Variants in RPS6KC1 observed in about 807,000 individuals in gnomAD.
The protein encoded by RPS6KC1 is ribosomal protein S6 kinase C1.
RPS6KC1 carries 54 observed loss-of-function variants against 103.8 expected under a neutral mutation model. The ratio of observed to expected loss-of-function variants is 0.52; its 90% confidence interval spans 0.42 to 0.65. The LOEUF (loss-of-function observed/expected upper bound fraction) is 0.65. RPS6KC1 is among the 30% of genes least tolerant of loss of function. The pLI, the probability that RPS6KC1 is intolerant of heterozygous loss-of-function variation, is 0.00. For missense variants in RPS6KC1, 1,151 were observed against 1,253.8 expected (o/e 0.92, Z 1.24); for synonymous variants, 439 against 438.7 (o/e 1.00, Z -0.01).
the RPS6KC1 span, among the ~76,000 whole-genome samples, chr1:213,468,550 T>TAG: frequency 3.9e-5 from 6 of 152,228 alleles, no homozygotes; most frequent in South Asian, 1.0e-3. Flanking sequence ...TTTCCTGAAA[T>TAG]AGAGAGAGAG....
In RPS6KC1 at chr1:213,145,967, G is replaced by GTTTTTTTTTTTTTTTT. The variant is rs71573864; in HGVS notation, c.835+16090_835+16105dup. The stretch of plus-strand genomic sequence containing the variant: ...CAAATAGGTCTTATTCATTCATTCT[G>GTTTTTTTTTTTTTTTT]TTTTTTTTTTTTTTTTTTTTTTTTT... On this transcript the variant is annotated intron_variant, in intron 6 of 14. Coordinates refer to ENST00000366960, the MANE Select transcript of RPS6KC1 (RefSeq NM_012424.6). 2.7e-4 allele frequency among the ~76,000 whole-genome samples: 13 copies of GTTTTTTTTTTTTTTTT among 47,836 alleles called. 1 individual carries two copies. Among genetic ancestry groups the GTTTTTTTTTTTTTTTT allele is most frequent in the African/African-American group, 4.9e-4 (5 of 10,202 alleles). 31.4% of individuals were successfully genotyped at this position (47,836 alleles called of 152,430 possible). A position where few individuals can be genotyped will look rare whatever the true frequency, so the allele number is the denominator to read the frequency against.
intron 1 of RPS6KC1, among the ~76,000 whole-genome samples, chr1:213,069,834 G>T (rs889451391): frequency 7.9e-5 from 12 of 152,106 alleles, no homozygotes; most frequent in Non-Finnish European, 1.5e-4. Context: ...ACACTTACAT[G>T]GATGGTACCG....
At chr1:213,281,309 G>A in the RPS6KC1 span, among the ~76,000 whole-genome samples, 2 of 152,238 alleles carry the variant, frequency 1.3e-5, no homozygotes, top group African/African-American at 2.4e-5. Flanking sequence ...GGGGAAAGGG[G>A]ACACTGGATA....
chr1:213,185,927 A>G (rs1234491017), intron 8 of RPS6KC1, among the ~76,000 whole-genome samples: 2 of 151,686 alleles, frequency 1.3e-5, no homozygotes, highest in African/African-American at 4.8e-5. Flanking sequence ...AAAATATCTT[A>G]CAAATATAAC....
At chr1:213,710,396 A>G in the RPS6KC1 span, among the ~76,000 whole-genome samples, 1 of 151,376 alleles carries the variant, frequency 6.6e-6, no homozygotes, top group Non-Finnish European at 1.5e-5. Flanking sequence ...CTTTATTTTG[A>G]GCCTATATGT....
chr1:213,229,711 G>A (rs1026528477), intron 8 of RPS6KC1, among the ~76,000 whole-genome samples: 2 of 151,986 alleles, frequency 1.3e-5, no homozygotes, highest in Admixed American at 6.6e-5. Flanking sequence ...AGTTTAGGGG[G>A]GCAATGTGTG....
At chr1:213,583,898 A>C in the RPS6KC1 span, among the ~76,000 whole-genome samples, 1 of 151,758 alleles carries the variant, frequency 6.6e-6, no homozygotes, top group Non-Finnish European at 1.5e-5. Context: ...CATCCCCCAG[A>C]GTATCTGATT....
chr1:213,846,973 G>A, the RPS6KC1 span, among the ~76,000 whole-genome samples: 1 of 152,140 alleles, frequency 6.6e-6, no homozygotes, highest in Non-Finnish European at 1.5e-5. Context: ...CCCAAATGCT[G>A]TGTCCATGTA....
At chr1:213,357,871 T>C in the RPS6KC1 span, among the ~76,000 whole-genome samples, 1 of 152,158 alleles carries the variant, frequency 6.6e-6, no homozygotes, top group African/African-American at 2.4e-5. Flanking sequence ...CCTCCTGGGC[T>C]TCCACAGGGT....
chr1:213,074,843 A>ATTTTTT lies in RPS6KC1; in HGVS notation c.142-2828_142-2823dup, dbSNP rs752747801. Among the ~76,000 whole-genome samples, 479 of 71,316 alleles carry ATTTTTT rather than the reference A, an allele frequency of 6.7e-3. 71 individuals are homozygous for ATTTTTT. Among genetic ancestry groups the ATTTTTT allele is most frequent in the African/African-American group, 0.012 (205 of 16,572 alleles). The allele number at this position is 71,316 out of a possible 152,430, so 46.8% of individuals were successfully genotyped here. A position where few individuals can be genotyped will look rare whatever the true frequency, so the allele number is the denominator to read the frequency against. On this transcript the variant is annotated intron_variant, in intron 2 of 14. Coordinates refer to ENST00000366960, the MANE Select transcript of RPS6KC1 (RefSeq NM_012424.6). ...TTTAAAAATGACTTAACTAGAATAAATTTTTTTTTTTTTTTTTTTTTTTTT... is the reference window on the plus strand; with the variant it reads ...TTTAAAAATGACTTAACTAGAATAAATTTTTTTTTTTTTTTTTTTTTTTTTTTTTTT...
At chr1:213,386,701 A>C in the RPS6KC1 span, among the ~76,000 whole-genome samples, 1 of 152,154 alleles carries the variant, frequency 6.6e-6, no homozygotes, top group Non-Finnish European at 1.5e-5. Context: ...CAGCAAAGTC[A>C]ACTCCCTTAC....
the RPS6KC1 span, among the ~76,000 whole-genome samples, chr1:213,773,353 G>A: frequency 6.6e-6 from 1 of 151,006 alleles, no homozygotes; most frequent in African/African-American, 2.4e-5. Context: ...AAGATGGAGT[G>A]GATTCTGAGT....
At chr1:213,518,536 A>C in the RPS6KC1 span, among the ~76,000 whole-genome samples, 12 of 152,206 alleles carry the variant, frequency 7.9e-5, no homozygotes, top group Non-Finnish European at 1.5e-4. Context: ...CCTTGATTTC[A>C]GACTTTTGGC....
chr1:213,607,374 A>C, the RPS6KC1 span, among the ~76,000 whole-genome samples: 2 of 152,184 alleles, frequency 1.3e-5, no homozygotes, highest in Non-Finnish European at 2.9e-5. Flanking sequence ...ATCTTGTGTA[A>C]TTTTCCCTCT....
the RPS6KC1 span, among the ~76,000 whole-genome samples, chr1:213,639,606 A>G: frequency 6.6e-6 from 1 of 152,066 alleles, no homozygotes; most frequent in Non-Finnish European, 1.5e-5. Flanking sequence ...GGTGTCTATT[A>G]TAAATAGATG....
the RPS6KC1 span, among the ~76,000 whole-genome samples, chr1:213,560,566 C>T: frequency 6.6e-6 from 1 of 152,088 alleles, no homozygotes; most frequent in African/African-American, 2.4e-5. Context: ...AATTTTTTCC[C>T]AGAGCCTACA....
intron 8 of RPS6KC1, among the ~76,000 whole-genome samples, chr1:213,224,842 A>G (rs184863323): frequency 1.2e-4 from 19 of 152,332 alleles, no homozygotes. Flanking sequence ...TTGTGCATGC[A>G]ACTATAATAT....
the RPS6KC1 span, among the ~76,000 whole-genome samples, chr1:213,800,446 G>A: frequency 1.3e-5 from 2 of 152,184 alleles, no homozygotes; most frequent in Non-Finnish European, 2.9e-5. Context: ...GTTGGTGGAA[G>A]GATTGCTACC....
the RPS6KC1 span, among the ~76,000 whole-genome samples, chr1:213,752,041 G>T: frequency 1.3e-5 from 2 of 152,042 alleles, no homozygotes; most frequent in African/African-American, 4.8e-5. Context: ...TAACCCTTTG[G>T]GTTATTGTGA....
Sources: gnomAD v4.1 joint callset for allele counts (sites outside exome capture counted in the v4.1 genomes callset) on GRCh38, gnomAD v4.1.1 for gene constraint, MANE v1.5 for transcripts, NCBI Gene and HGNC (gene_info 2026-07-23, HGNC 2026-07-21) for gene names.